Variants in ELOVL5 observed in about 807,000 individuals in gnomAD.
The protein encoded by ELOVL5 is ELOVL fatty acid elongase 5, also known as very long chain fatty acid elongase 5.
Under a neutral mutation model 38.6 loss-of-function variants are expected in ELOVL5, and 8 were observed. The ratio of observed to expected loss-of-function variants is 0.21; its 90% CI spans 0.12 to 0.37. The LOEUF is 0.37. Among genes scored for constraint, ELOVL5 ranks in the 10% least tolerant of loss-of-function variants. ELOVL5 has a pLI of 1.00. For synonymous variants in ELOVL5, 127 were observed against 133.7 expected (o/e 0.95, Z 0.34); for missense variants, 280 against 367.8 (o/e 0.76, Z 1.95).
Position 53,268,003 on chromosome 6 carries a change from A to C in ELOVL5, c.*1124T>G, listed in dbSNP as rs1471121430. Reference sequence around the variant, plus strand: ...ACAAGTACTATTAGATTTACATTAAACAAGTTACCTCTATCAAATTTCTCG... The same window carrying C: ...ACAAGTACTATTAGATTTACATTAACCAAGTTACCTCTATCAAATTTCTCG... On this transcript the variant is annotated 3_prime_UTR_variant, in exon 8 of 8. Coordinates refer to ENST00000304434, the MANE Select transcript of ELOVL5 (RefSeq NM_021814.5). 1.3e-5 allele frequency: 2 copies of C among 152,218 alleles called. No homozygotes were observed. Among genetic ancestry groups the C allele is most frequent in the Non-Finnish European group, 2.9e-5 (2 of 68,036 alleles). The allele number at this position is 152,218 out of a possible 1,614,324, so 9.4% of individuals were successfully genotyped here.
chr6:53,294,155 T>C, intron 2 of ELOVL5: 1 of 1,417,266 alleles, frequency 7.1e-7, no homozygotes, highest in Non-Finnish European at 9.3e-7. Flanking sequence ...TCTTTCCAAA[T>C]TGGCACATAT....
intron 1 of ELOVL5, among the ~76,000 whole-genome samples, chr6:53,308,158 T>C (rs1001905421): frequency 9.2e-5 from 14 of 151,922 alleles, no homozygotes; most frequent in African/African-American, 3.4e-4. Flanking sequence ...GGTAACAGAG[T>C]TCTTTAAGAT....
At chr6:53,308,669 C>T (rs1001969258) in intron 1 of ELOVL5, among the ~76,000 whole-genome samples, 1 of 151,982 alleles carries the variant, frequency 6.6e-6, no homozygotes, top group African/African-American at 2.4e-5. Context: ...CTTTGGGAAC[C>T]ACTGCTATAT....
chr6:53,272,200 T>C (rs1417513518), intron 6 of ELOVL5, among the ~76,000 whole-genome samples: 4 of 152,206 alleles, frequency 2.6e-5, no homozygotes, highest in Non-Finnish European at 5.9e-5. Flanking sequence ...AAAAATGTGT[T>C]AATAATGCAA....
At chr6:53,305,142 C>A (rs187945215) in intron 1 of ELOVL5, among the ~76,000 whole-genome samples, 18,378 of 145,480 alleles carry the variant, frequency 0.13, 1,478 homozygotes, top group African/African-American at 0.2. Context: ...GGGCGGCTCG[C>A]CGGGCAGGGG....
At chr6:53,273,605 A>C (rs916469183) in intron 5 of ELOVL5, among the ~76,000 whole-genome samples, 3 of 152,178 alleles carry the variant, frequency 2.0e-5, no homozygotes, top group African/African-American at 7.2e-5. Flanking sequence ...TGAAGCCACG[A>C]CGCCATCCCA....
At chr6:53,292,710 G>A (rs951765823) in intron 2 of ELOVL5, among the ~76,000 whole-genome samples, 4 of 152,216 alleles carry the variant, frequency 2.6e-5, no homozygotes, top group African/African-American at 9.7e-5. Flanking sequence ...AGAATCGCTT[G>A]AAATTGGGAG....
chr6:53,269,583 CAG>C (rs1765850788), intron 7 of ELOVL5, among the ~76,000 whole-genome samples: 2 of 152,142 alleles, frequency 1.3e-5, no homozygotes, highest in African/African-American at 2.4e-5. Context: ...TGGCAGATGA[CAG>C]GGGTTATGTG....
rs70980840 is a variant in ELOVL5, at chr6:53,324,691, A to AAAAAAAAAAAG, written c.-9+24125_-9+24126insCTTTTTTTTTT. On this transcript the variant is annotated intron_variant, in intron 1 of 7. Transcript: ENST00000304434. ...TCCTGTCAAAAAAAAAAAAAAAAAA[A>AAAAAAAAAAAG]GGAAAAGAAATAGAATCAGGAAGGA... is the stretch of plus-strand genomic sequence containing the variant. Among the ~76,000 whole-genome samples the AAAAAAAAAAAG allele has an allele frequency of 5.1e-5, 6 of 118,060 alleles. 1 individual carries two copies. Among genetic ancestry groups the AAAAAAAAAAAG allele is most frequent in the Admixed American group, 8.1e-5 (1 of 12,302 alleles). The allele number at this position is 118,060 out of a possible 152,430, so 77.5% of individuals were successfully genotyped here. A position where few individuals can be genotyped will look rare whatever the true frequency, so the allele number is the denominator to read the frequency against.
rs576210358 is a variant in ELOVL5, at chr6:53,346,740, T to C, written c.-9+2077A>G. Among the ~76,000 whole-genome samples, 9 of 152,322 alleles carry C rather than the reference T, an allele frequency of 5.9e-5. No homozygotes were observed. In the East Asian group the frequency reaches 1.7e-3, roughly 29 times the overall value. On this transcript the variant is annotated intron_variant, in intron 1 of 7. Transcript: ENST00000304434. The stretch of plus-strand genomic sequence containing the variant: ...AAGTAAACAGTTTTGCTTTGATTTG[T>C]GTAATTCAAGCTGGAAATAAGACAC...
intron 3 of ELOVL5, among the ~76,000 whole-genome samples, chr6:53,282,397 G>C (rs1766394758): frequency 6.6e-6 from 1 of 152,228 alleles, no homozygotes; most frequent in African/African-American, 2.4e-5. Flanking sequence ...AGTGAGGCCT[G>C]GCTCTGGACA....
chr6:53,322,497 C>T (rs1180127523), intron 1 of ELOVL5, among the ~76,000 whole-genome samples: 1 of 152,194 alleles, frequency 6.6e-6, no homozygotes, highest in Non-Finnish European at 1.5e-5. Flanking sequence ...AATATTTTTA[C>T]TTGCTCACAG....
chr6:53,322,624 G>A (rs1768345397), intron 1 of ELOVL5, among the ~76,000 whole-genome samples: 1 of 152,152 alleles, frequency 6.6e-6, no homozygotes, highest in Admixed American at 6.5e-5. Context: ...AAACACAACA[G>A]CTTCCATTTA....
At chr6:53,322,608 A>G (rs1311026531) in intron 1 of ELOVL5, among the ~76,000 whole-genome samples, 1 of 152,224 alleles carries the variant, frequency 6.6e-6, no homozygotes, top group African/African-American at 2.4e-5. Context: ...ATAAACAAAC[A>G]GCATAAAACA....
In ELOVL5 at chr6:53,270,713, C is replaced by A; in HGVS notation, c.636G>T (p.Leu212=). The part of the protein sequence containing the change: ...ITQGQLLQFV[L]TIIQTSCGVI... ...CCCCGCAGCTGGTCTGGATGATTGT[C>A]AGCACAAACTGAAGCTAGGGGAACA... Residue 212 remains leucine, a synonymous_variant, in exon 7 of 8, where the codon CTG becomes CTT. Transcript: ENST00000304434. The A allele has an allele frequency of 6.2e-7, 1 of 1,614,140 alleles. No homozygotes were observed. The highest frequency in any genetic ancestry group is 8.5e-7 in the Non-Finnish European group (1 of 1,180,022).
chr6:53,302,719 C>T (rs533475321), intron 1 of ELOVL5, among the ~76,000 whole-genome samples: 1 of 145,826 alleles, frequency 6.9e-6, no homozygotes, highest in Admixed American at 7.8e-5. Flanking sequence ...AGGCTGTTTG[C>T]TGACTCTAAA....
chr6:53,309,183 C>T (rs1438108051), intron 1 of ELOVL5, among the ~76,000 whole-genome samples: 1 of 152,146 alleles, frequency 6.6e-6, no homozygotes, highest in African/African-American at 2.4e-5. Flanking sequence ...GAACAAGGAA[C>T]GTATCTGTCT....
At position 53,269,073 on chromosome 6, in the gene ELOVL5, C is replaced by A; in HGVS notation, c.*54G>T. 6.3e-7 allele frequency: 1 copy of A among 1,592,900 alleles called. No individual in the cohort carries two copies. ...TGTTAACGAGCATTGGGGCACAACTCATATTGTGCTTACAATCAGATGACG... is the reference window on the plus strand; with the variant it reads ...TGTTAACGAGCATTGGGGCACAACTAATATTGTGCTTACAATCAGATGACG... On this transcript the variant is annotated 3_prime_UTR_variant, in exon 8 of 8. Coordinates refer to ENST00000304434, the MANE Select transcript of ELOVL5 (RefSeq NM_021814.5).
chr6:53,341,384 T>C (rs1561896238), intron 1 of ELOVL5, among the ~76,000 whole-genome samples: 1 of 152,220 alleles, frequency 6.6e-6, no homozygotes, highest in East Asian at 1.9e-4. Context: ...CAAAGATCAC[T>C]ACTTAGGTCT....
Sources: gnomAD v4.1 joint callset for allele counts (sites outside exome capture counted in the v4.1 genomes callset) on GRCh38, gnomAD v4.1.1 for gene constraint, MANE v1.5 for transcripts, NCBI Gene and HGNC (gene_info 2026-07-23, HGNC 2026-07-21) for gene names.